The following PHC3 variants were observed in gnomAD, a reference collection of about 807,000 sequenced individuals.
The protein encoded by PHC3 is polyhomeotic homolog 3.
In PHC3, 13 loss-of-function variants were observed where a neutral mutation model predicts 107.4. The ratio of observed to expected loss-of-function variants is 0.12; its 90% CI spans 0.08 to 0.19. The LOEUF (loss-of-function observed/expected upper bound fraction) is 0.19. Ranked by LOEUF, PHC3 falls within the 10% of genes least tolerant of loss-of-function variation. PHC3 has a pLI of 1.00. For synonymous variants in PHC3, 456 were observed against 427.4 expected, an observed-to-expected ratio of 1.07 and a Z score of -0.83; for missense variants, 992 against 1,210.9, an observed-to-expected ratio of 0.82 and a Z score of 2.68.
intron 11 of PHC3, among the ~76,000 whole-genome samples, chr3:170,107,652 G>C (rs1397238429): frequency 4.0e-5 from 6 of 150,918 alleles, no homozygotes; most frequent in African/African-American, 1.5e-4. Flanking sequence ...GTTCCTTTTA[G>C]TTATATTGCA....
At chr3:170,134,212 C>T (rs945532741) in intron 7 of PHC3, among the ~76,000 whole-genome samples, 3 of 151,768 alleles carry the variant, frequency 2.0e-5, no homozygotes, top group African/African-American at 4.8e-5. Context: ...ATTTTTGAGA[C>T]GGAGTCTTGC....
chr3:170,176,812 T>C, intron 2 of PHC3: 1 of 428,694 alleles, frequency 2.3e-6, no homozygotes, highest in South Asian at 1.7e-5. Flanking sequence ...TTCATTAATC[T>C]CAAAGATACT....
In PHC3 at chr3:170,111,448, AGAGAAGAGAG is replaced by A. The variant is rs568296438; in HGVS notation, c.2353+1902_2353+1911del. Among the ~76,000 whole-genome samples the A allele has an allele frequency of 8.3e-4, 126 of 151,326 alleles. No homozygotes were observed. The Middle Eastern group carries it at 0.01, about 12-fold the overall frequency. On this transcript the variant is annotated intron_variant, in intron 11 of 14. Coordinates refer to ENST00000495893, the MANE Select transcript of PHC3 (RefSeq NM_024947.4). ...AGGAAGGAGAAAGAAAGGAAAGAGAAGAGAAGAGAGGAGAAGAGAGAAGAAAAAAGAAGGG... is the reference window on the plus strand; with the variant it reads ...AGGAAGGAGAAAGAAAGGAAAGAGAAGAGAAGAGAGAAGAAAAAAGAAGGG...
chr3:170,175,289 T>G (rs1473932797), intron 2 of PHC3, among the ~76,000 whole-genome samples: 1 of 152,220 alleles, frequency 6.6e-6, no homozygotes, highest in Non-Finnish European at 1.5e-5. Flanking sequence ...CATATCTTTC[T>G]ATTAATTTTT....
chr3:170,128,623 G>A (rs999360991), intron 8 of PHC3, 61 bp downstream of exon 8: 4 of 1,532,420 alleles, frequency 2.6e-6, no homozygotes, highest in Non-Finnish European at 3.5e-6. Context: ...AACATAGTGT[G>A]GGAAAAAATA....
At chr3:170,104,421 G>C (rs1022132019) in intron 12 of PHC3, among the ~76,000 whole-genome samples, 1 of 152,050 alleles carries the variant, frequency 6.6e-6, no homozygotes, top group Non-Finnish European at 1.5e-5. Flanking sequence ...TATATGAAAC[G>C]CCTTGGTAAC....
chr3:170,097,163 G>A lies in PHC3; in HGVS notation c.*67C>T. On this transcript the variant is annotated 3_prime_UTR_variant, in exon 15 of 15. Transcript: ENST00000495893. This position sits in a 1 kb window ranked among gnomAD's most constrained non-coding sequence, Gnocchi z 4.1. ...AAGTGTCATATTCTAGACCAAGTTAGGCCTTTACCTTACAAGTTTTTGTGA... is the reference window on the plus strand; with the variant it reads ...AAGTGTCATATTCTAGACCAAGTTAAGCCTTTACCTTACAAGTTTTTGTGA... 2.0e-6 allele frequency: 3 copies of A among 1,499,128 alleles called. No homozygotes were observed. The allele number at this position is 1,499,128 out of a possible 1,614,324, so 92.9% of individuals were successfully genotyped here. A position where few individuals can be genotyped will look rare whatever the true frequency, so the allele number is the denominator to read the frequency against.
chr3:170,156,209 C>T (rs1036345079), intron 4 of PHC3, among the ~76,000 whole-genome samples: 1 of 152,080 alleles, frequency 6.6e-6, no homozygotes, highest in Non-Finnish European at 1.5e-5. Flanking sequence ...TCTTGGCCTC[C>T]CAAAGTGCTG....
At chr3:170,139,462 C>G (rs999275393) in intron 6 of PHC3, among the ~76,000 whole-genome samples, 2 of 152,064 alleles carry the variant, frequency 1.3e-5, no homozygotes, top group African/African-American at 4.8e-5. Context: ...GTAATGATAA[C>G]CAAAGGGTAA....
chr3:170,140,563 A>T (rs1450853173), intron 6 of PHC3, among the ~76,000 whole-genome samples: 8 of 132,570 alleles, frequency 6.0e-5, no homozygotes, highest in East Asian at 2.4e-4. Flanking sequence ...TCTGGGTCAG[A>T]GTTCTTACTC....
chr3:170,113,579 T>C (rs1560038350), intron 10 of PHC3, 60 bp from the exon 11 acceptor site: 2 of 1,498,462 alleles, frequency 1.3e-6, no homozygotes, highest in Non-Finnish European at 1.8e-6. Context: ...CAGAAATACT[T>C]TGGTTTAAAA....
chr3:170,122,511 G>T (rs554128468), intron 9 of PHC3, 80 bp downstream of exon 9: 1 of 1,463,264 alleles, frequency 6.8e-7, no homozygotes, highest in Non-Finnish European at 9.5e-7. Flanking sequence ...GTGAAAGGAG[G>T]AAAGGGAAAA....
rs1713924201 is a variant in PHC3, at chr3:170,089,999, G to C, written c.*7231C>G. ...GTAAAAAGCTCTTATATCAACACCAGCTTTTTTTTTGTTCTGCCACATGCC... is the reference window on the plus strand; with the variant it reads ...GTAAAAAGCTCTTATATCAACACCACCTTTTTTTTTGTTCTGCCACATGCC... On this transcript the variant is annotated 3_prime_UTR_variant, in exon 15 of 15. Transcript: ENST00000495893. 1 of 149,910 alleles carries C rather than the reference G, an allele frequency of 6.7e-6. No individual in the cohort carries two copies. The highest frequency in any genetic ancestry group is 2.1e-4 in the South Asian group (1 of 4,758). The allele number at this position is 149,910 out of a possible 1,614,324, so 9.3% of individuals were successfully genotyped here.
rs574512085 is a variant in PHC3 at position 170,161,011 on chromosome 3, C to A, written c.414+10362G>T. Among the ~76,000 whole-genome samples, 5 of 152,228 alleles carry A rather than the reference C, an allele frequency of 3.3e-5. No homozygotes were observed. The East Asian group carries it at 9.6e-4, about 29-fold the overall frequency. ...GGGAAGCCCATAAAAAACAAACATACAAAAAGAGCATTAATATCATTACAT... is the reference window on the plus strand; with the variant it reads ...GGGAAGCCCATAAAAAACAAACATAAAAAAAGAGCATTAATATCATTACAT... On this transcript the variant is annotated intron_variant, in intron 4 of 14. Coordinates refer to ENST00000495893, the MANE Select transcript of PHC3 (RefSeq NM_024947.4).
chr3:170,156,659 G>C (rs1373435404), intron 4 of PHC3, among the ~76,000 whole-genome samples: 1 of 146,636 alleles, frequency 6.8e-6, no homozygotes, highest in South Asian at 2.2e-4. Context: ...GTGCAGTGGC[G>C]CCATCTTGGC....
intron 4 of PHC3, among the ~76,000 whole-genome samples, chr3:170,163,514 T>C (rs145012563): frequency 0.012 from 1,818 of 149,628 alleles, 38 homozygotes; most frequent in African/African-American, 0.043. Flanking sequence ...GATGGCACTG[T>C]CCTCACATGA....
At chr3:170,120,318 G>A (rs1311418878) in intron 9 of PHC3, among the ~76,000 whole-genome samples, 2 of 152,142 alleles carry the variant, frequency 1.3e-5, no homozygotes, top group East Asian at 3.8e-4. Context: ...AGGCGCAGTG[G>A]CTCATGTCTG....
chr3:170,164,218 C>CA (rs998794961), intron 4 of PHC3, among the ~76,000 whole-genome samples: 4 of 151,770 alleles, frequency 2.6e-5, no homozygotes, highest in African/African-American at 9.7e-5. Flanking sequence ...AACAAACAAA[C>CA]AAAAAAATAC....
intron 4 of PHC3, among the ~76,000 whole-genome samples, chr3:170,154,781 A>G (rs1171772809): frequency 6.6e-6 from 1 of 152,216 alleles, no homozygotes; most frequent in Non-Finnish European, 1.5e-5. Context: ...CACCCAACTC[A>G]TGAAGGCCAA....
Sources: allele counts gnomAD v4.1 joint callset (sites outside exome capture counted in the v4.1 genomes callset), GRCh38; gene constraint gnomAD v4.1.1; non-coding constraint Gnocchi (gnomAD v3.1); transcripts MANE v1.5; gene names NCBI Gene and HGNC (gene_info 2026-07-23, HGNC 2026-07-21).